The following TMEM131L variants were observed in gnomAD, a reference collection of about 807,000 sequenced individuals.
TMEM131L encodes the protein transmembrane 131 like, also known as transmembrane protein 131-like.
TMEM131L carries 54 observed loss-of-function variants against 192.2 expected under a neutral mutation model. The ratio of observed to expected loss-of-function variants is 0.28; its 90% CI spans 0.23 to 0.35. The LOEUF (loss-of-function observed/expected upper bound fraction) is 0.35, where lower values mean the gene tolerates loss of function less well. TMEM131L is among the 10% of genes least tolerant of loss of function. TMEM131L has a pLI of 1.00. For missense variants in TMEM131L, 1,888 were observed against 1,972.9 expected, an observed-to-expected ratio of 0.96 and a Z score of 0.82; for synonymous variants, 701 against 704.9, an observed-to-expected ratio of 0.99 and a Z score of 0.09.
intron 3 of TMEM131L, among the ~76,000 whole-genome samples, chr4:153,513,405 A>G (rs970820134): frequency 3.9e-5 from 6 of 152,158 alleles, no homozygotes; most frequent in African/African-American, 1.4e-4. Context: ...TTATCAAATG[A>G]GTAAACTGAA....
At chr4:153,510,542 A>G (rs913287701) in intron 3 of TMEM131L, among the ~76,000 whole-genome samples, 1 of 152,146 alleles carries the variant, frequency 6.6e-6, no homozygotes, top group Non-Finnish European at 1.5e-5. Flanking sequence ...GAGTGACTCT[A>G]ATGACTGGGC....
intron 15 of TMEM131L, among the ~76,000 whole-genome samples, chr4:153,588,190 G>A (rs1730827692): frequency 6.6e-6 from 1 of 151,408 alleles, no homozygotes; most frequent in African/African-American, 2.4e-5. Context: ...TTATAGGAGT[G>A]TAAACATCTT....
At chr4:153,469,458 G>A (rs575647644) in intron 2 of TMEM131L, among the ~76,000 whole-genome samples, 59 of 152,240 alleles carry the variant, frequency 3.9e-4, no homozygotes, top group African/African-American at 1.2e-3. Context: ...CCTCATATGT[G>A]TCAAACGGAG....
At chr4:153,630,402 T>G (rs1265082831) in intron 31 of TMEM131L, among the ~76,000 whole-genome samples, 1 of 152,218 alleles carries the variant, frequency 6.6e-6, no homozygotes, top group African/African-American at 2.4e-5. Context: ...GGGTCTACCT[T>G]AGAGAGCCAG....
chr4:153,512,477 A>C (rs1024626128), intron 3 of TMEM131L, among the ~76,000 whole-genome samples: 2 of 152,228 alleles, frequency 1.3e-5, no homozygotes, highest in Non-Finnish European at 2.9e-5. Flanking sequence ...AGTCATAGCA[A>C]CATTTTAACA....
At chr4:153,483,814 C>T (rs1732115762) in intron 3 of TMEM131L, among the ~76,000 whole-genome samples, 1 of 152,150 alleles carries the variant, frequency 6.6e-6, no homozygotes, top group African/African-American at 2.4e-5. Flanking sequence ...TTTAGGAAGG[C>T]TTCTAGCTAG....
chr4:153,609,505 G>A (rs187691642), intron 25 of TMEM131L, among the ~76,000 whole-genome samples: 15 of 152,208 alleles, frequency 9.9e-5, no homozygotes, highest in South Asian at 4.1e-4. Flanking sequence ...TGTAAATGAC[G>A]TATGTGTTTG....
Position 153,586,350 on chromosome 4 carries a change from C to A in TMEM131L, c.1453C>A (p.Pro485Thr), listed in dbSNP as rs1185075244. Residue 485 changes from proline to threonine, a missense_variant, in exon 14 of 35, where the codon CCT becomes ACT. Pro to Thr is a conservative substitution (Grantham distance 38). Coordinates refer to ENST00000409959, the MANE Select transcript of TMEM131L (RefSeq NM_001131007.2). ...AAACATAGGTGCCATTTTTGCAATA[C>A]CTCTACAGATTTATTCAGCACCAAC... ...TTNIGAIFAI[P>T]LQIYSAPTKE... 1.2e-6 allele frequency: 2 copies of A among 1,603,512 alleles called. No homozygotes were observed. The highest frequency in any genetic ancestry group is 8.5e-7 in the Non-Finnish European group (1 of 1,176,378).
At chr4:153,545,963 A>C (rs1737141812) in intron 3 of TMEM131L, among the ~76,000 whole-genome samples, 1 of 152,024 alleles carries the variant, frequency 6.6e-6, no homozygotes, top group African/African-American at 2.4e-5. Context: ...TGCTCCCTGC[A>C]GCTTTGAACT....
intron 29 of TMEM131L, among the ~76,000 whole-genome samples, chr4:153,624,160 C>A (rs1733660926): frequency 6.7e-6 from 1 of 150,264 alleles, no homozygotes; most frequent in African/African-American, 2.5e-5. Context: ...GCTCTGTTGC[C>A]CCGGCTGGAG....
rs1263536805 is a variant in TMEM131L, at chr4:153,634,241, T to C, written c.4378T>C (p.Cys1460Arg). ...TCEGQFSSAYCPLELNDYNAF... is the reference protein window; with the variant it reads ...TCEGQFSSAYRPLELNDYNAF... The stretch of plus-strand genomic sequence containing the variant: ...CGAAGGCCAGTTTTCCAGCGCATAC[T>C]GTCCATTGGAATTGAACGATTACAA... The change falls in exon 33 of 35, where the codon TGT (cysteine) becomes CGT (arginine). Residue 1460 changes from cysteine (C) to arginine (R), a missense_variant. By Grantham distance (180) the Cys-to-Arg change is radical. Coordinates refer to ENST00000409959, the MANE Select transcript of TMEM131L (RefSeq NM_001131007.2). 3.1e-6 allele frequency: 5 copies of C among 1,614,184 alleles called. No homozygotes were observed. Among genetic ancestry groups the C allele is most frequent in the Non-Finnish European group, 3.4e-6 (4 of 1,179,974 alleles).
At chr4:153,534,675 C>T (rs144296978) in intron 3 of TMEM131L, among the ~76,000 whole-genome samples, 6 of 152,256 alleles carry the variant, frequency 3.9e-5, no homozygotes, top group South Asian at 2.1e-4. Flanking sequence ...CCTCGTGATA[C>T]GCCCGCCTCG....
At chr4:153,563,673 G>T (rs1170599548) in intron 7 of TMEM131L, among the ~76,000 whole-genome samples, 2 of 151,656 alleles carry the variant, frequency 1.3e-5, no homozygotes, top group African/African-American at 4.8e-5. Context: ...TTGCCATGTT[G>T]CCCTGCCTGG....
chr4:153,564,034 A>G (rs2150541826), intron 7 of TMEM131L, among the ~76,000 whole-genome samples: 1 of 152,002 alleles, frequency 6.6e-6, no homozygotes, highest in South Asian at 2.1e-4. Flanking sequence ...CACACCTGTA[A>G]TCCCAGCACT....
intron 29 of TMEM131L, among the ~76,000 whole-genome samples, chr4:153,624,771 T>C (rs760124384): frequency 1.2e-4 from 18 of 152,168 alleles, no homozygotes; most frequent in Non-Finnish European, 2.4e-4. Context: ...ATTCTCCTCA[T>C]GGGCTGTTCT....
chr4:153,546,661 C>T (rs897470251), intron 3 of TMEM131L, among the ~76,000 whole-genome samples: 8 of 152,232 alleles, frequency 5.3e-5, no homozygotes, highest in African/African-American at 1.9e-4. Flanking sequence ...GGCGCAGTGG[C>T]TCATGCCTGT....
At chr4:153,519,530 C>A (rs1333725797) in intron 3 of TMEM131L, among the ~76,000 whole-genome samples, 1 of 152,182 alleles carries the variant, frequency 6.6e-6, no homozygotes, top group Non-Finnish European at 1.5e-5. Flanking sequence ...CACATTCTTA[C>A]CTGTCTGACT....
chr4:153,493,345 C>CAAAAAAAAA (rs35052272), intron 3 of TMEM131L, among the ~76,000 whole-genome samples: 34 of 72,864 alleles, frequency 4.7e-4, no homozygotes, highest in African/African-American at 1.9e-3. Flanking sequence ...GACTCTGTCT[C>CAAAAAAAAA]AAAAAAAAAA....
chr4:153,508,844 A>C (rs116018901), intron 3 of TMEM131L, among the ~76,000 whole-genome samples: 1 of 151,730 alleles, frequency 6.6e-6, no homozygotes, highest in Non-Finnish European at 1.5e-5. Context: ...GGGTCTCACT[A>C]TCTTGCCCAG....
Sources: allele counts gnomAD v4.1 joint callset (sites outside exome capture counted in the v4.1 genomes callset), GRCh38; gene constraint gnomAD v4.1.1; transcripts MANE v1.5; gene names NCBI Gene and HGNC (gene_info 2026-07-23, HGNC 2026-07-21).